The following SYCP2 variants were observed in gnomAD, a reference collection of about 807,000 sequenced individuals.
SYCP2 encodes the protein synaptonemal complex lateral element protein.
SYCP2 carries 55 observed loss-of-function variants against 211.3 expected under a neutral mutation model. The ratio of observed to expected loss-of-function variants is 0.26; its 90% CI spans 0.21 to 0.33. The LOEUF (loss-of-function observed/expected upper bound fraction) is 0.33, where lower values mean the gene tolerates loss of function less well. SYCP2 is among the 10% of genes least tolerant of loss of function. The pLI, the probability that SYCP2 is intolerant of heterozygous loss-of-function variation, is 1.00. For synonymous variants in SYCP2, 570 were observed against 555.2 expected (o/e 1.03, Z -0.37); for missense variants, 1,731 against 1,752.0 (o/e 0.99, Z 0.21).
rs1465949359 is a variant in SYCP2, at chr20:59,911,822, T to C, written c.900A>G (p.Lys300=). ...TAAAATCAATCCAAAATTCCTCAAG[T>C]TTTTCATCTGATGGTATTTGCAGCT... The part of the protein sequence containing the change: ...KYELQIPSDE[K]LEEFWIDFNL... The change falls in exon 14 of 45, where the codon AAA becomes AAG. Residue 300 remains lysine, a synonymous_variant. Transcript: ENST00000357552. The C allele has an allele frequency of 6.3e-7, 1 of 1,580,750 alleles. No individual in the cohort carries two copies. Among genetic ancestry groups the C allele is most frequent in the Non-Finnish European group, 8.6e-7 (1 of 1,158,530 alleles).
intron 37 of SYCP2, 123 bp downstream of exon 37, chr20:59,868,712 G>C: frequency 8.0e-7 from 1 of 1,243,248 alleles, no homozygotes; most frequent in Non-Finnish European, 1.1e-6. Context: ...ATTCTACCTA[G>C]TTTATTTTCT....
intron 7 of SYCP2, among the ~76,000 whole-genome samples, chr20:59,917,260 A>T (rs1181381747): frequency 6.6e-6 from 1 of 152,172 alleles, no homozygotes; most frequent in Admixed American, 6.5e-5. Context: ...AGACCAACAC[A>T]TCTTAACCCC....
In SYCP2 at chr20:59,864,154, T is replaced by C. The variant is rs902149402; in HGVS notation, c.*157A>G. Reference sequence around the variant, plus strand: ...CTCATGTTATAGTGGTTCCCTCTCATCCATTAAAAGACATTTTTTTTTAAT... The same window carrying C: ...CTCATGTTATAGTGGTTCCCTCTCACCCATTAAAAGACATTTTTTTTTAAT... On this transcript the variant is annotated 3_prime_UTR_variant, in exon 45 of 45. Transcript: ENST00000357552. 8 of 483,316 alleles carry C rather than the reference T, an allele frequency of 1.7e-5. No homozygotes were observed. The highest frequency in any genetic ancestry group is 3.7e-6 in the Non-Finnish European group (1 of 273,696). The allele number at this position is 483,316 out of a possible 1,614,324, so 29.9% of individuals were successfully genotyped here.
At chr20:59,921,228 T>G in intron 4 of SYCP2, 82 bp downstream of exon 4, 4 of 1,248,432 alleles carry the variant, frequency 3.2e-6, no homozygotes, top group Non-Finnish European at 4.4e-6. Flanking sequence ...CCTATTCATT[T>G]TTTTCTAATG....
intron 39 of SYCP2, 35 bp downstream of exon 39, chr20:59,867,676 A>G (rs1303050526): frequency 1.9e-6 from 3 of 1,543,250 alleles, no homozygotes; most frequent in Non-Finnish European, 2.7e-6. Context: ...TTATTATATT[A>G]TTGGGTATAA....
At chr20:59,897,482 G>A (rs1270331077) in intron 18 of SYCP2, among the ~76,000 whole-genome samples, 4 of 152,122 alleles carry the variant, frequency 2.6e-5, no homozygotes, top group African/African-American at 9.7e-5. Context: ...GTAGTATGGT[G>A]TTTTTCGAAC....
Position 59,896,544 on chromosome 20 carries a change from A to C in SYCP2, c.1405-16T>G. On this transcript the variant is annotated splice_polypyrimidine_tract_variant and intron_variant, in intron 18 of 44. Coordinates refer to ENST00000357552, the MANE Select transcript of SYCP2 (RefSeq NM_014258.4). ...GAGTAGTTTTCTGAAACCACGATGA[A>C]AAACAACCACTGTAAACACAGTCTT... 2 of 1,377,742 alleles carry C rather than the reference A, an allele frequency of 1.5e-6. No homozygotes were observed. The highest frequency in any genetic ancestry group is 2.1e-6 in the Non-Finnish European group (2 of 968,226). 85.3% of individuals were successfully genotyped at this position (1,377,742 alleles called of 1,614,324 possible).
chr20:59,914,470 A>G (rs2060394206), intron 10 of SYCP2, among the ~76,000 whole-genome samples: 1 of 152,002 alleles, frequency 6.6e-6, no homozygotes, highest in Non-Finnish European at 1.5e-5. Flanking sequence ...AGAAATAAGT[A>G]AAATTTAAAA....
At chr20:59,887,921 G>A (rs2059826932) in intron 24 of SYCP2, among the ~76,000 whole-genome samples, 2 of 151,944 alleles carry the variant, frequency 1.3e-5, no homozygotes, top group African/African-American at 4.8e-5. Context: ...TGATAGGCTA[G>A]ATGAAATGGA....
chr20:59,911,381 ACTGT>A (rs1179950650), intron 14 of SYCP2, among the ~76,000 whole-genome samples: 2 of 152,178 alleles, frequency 1.3e-5, no homozygotes, highest in South Asian at 2.1e-4. Flanking sequence ...TCCACTTGTC[ACTGT>A]CTGTTAATAT....
chr20:59,929,913 T>C (rs1187178315), intron 2 of SYCP2, among the ~76,000 whole-genome samples: 1 of 152,058 alleles, frequency 6.6e-6, no homozygotes, highest in Non-Finnish European at 1.5e-5. Flanking sequence ...GAGAATACAA[T>C]TGATTAAATT....
At position 59,895,629 on chromosome 20, in the gene SYCP2, CT is replaced by C. The variant is rs750970546; in HGVS notation, c.1505-33del. The stretch of plus-strand genomic sequence containing the variant: ...AGGAGGACAAGGATTGCAGATTTTT[CT>C]TTTTTTACCTATTGCTATTATTGAG... On this transcript the variant is annotated intron_variant, in intron 19 of 44. Transcript: ENST00000357552. 8 of 1,604,630 alleles carry C rather than the reference CT, an allele frequency of 5.0e-6. No individual in the cohort carries two copies. The East Asian group carries it at 1.8e-4, about 36-fold the overall frequency.
intron 18 of SYCP2, among the ~76,000 whole-genome samples, chr20:59,897,402 A>G (rs567337155): frequency 6.6e-6 from 1 of 152,318 alleles, no homozygotes; most frequent in South Asian, 2.1e-4. Flanking sequence ...TGGAACCTGA[A>G]CAGTTACTTA....
At chr20:59,929,526 A>C (rs757019718) in intron 2 of SYCP2, among the ~76,000 whole-genome samples, 1 of 152,128 alleles carries the variant, frequency 6.6e-6, no homozygotes, top group Non-Finnish European at 1.5e-5. Context: ...GTAAACATGA[A>C]ATGTGGTGAG....
rs1361479478 is a variant in SYCP2 at position 59,922,559 on chromosome 20, C to T, written c.-46-100G>A. ...CATAAATATGCATTTGTTATTTATA[C>T]CAAAGGCAACATTAACTTCCTCACT... On this transcript the variant is annotated intron_variant, in intron 2 of 44. Coordinates refer to ENST00000357552, the MANE Select transcript of SYCP2 (RefSeq NM_014258.4). 20 of 509,096 alleles carry T rather than the reference C, an allele frequency of 3.9e-5. 2 individuals carry two copies. In the South Asian group the frequency reaches 5.7e-4, roughly 14 times the overall value. 31.5% of individuals were successfully genotyped at this position (509,096 alleles called of 1,614,324 possible).
At chr20:59,929,628 T>C (rs745799450) in intron 2 of SYCP2, among the ~76,000 whole-genome samples, 6 of 152,026 alleles carry the variant, frequency 3.9e-5, no homozygotes, top group Non-Finnish European at 7.4e-5. Context: ...GCATAAAAAA[T>C]GCAGAATGAG....
At chr20:59,881,580 C>A in intron 28 of SYCP2, 88 bp from the exon 29 acceptor site, 2 of 645,198 alleles carry the variant, frequency 3.1e-6, no homozygotes, top group Non-Finnish European at 5.0e-6. Flanking sequence ...AGTTTTGCTT[C>A]ACAAAATCAT....
intron 2 of SYCP2, among the ~76,000 whole-genome samples, chr20:59,926,000 C>A (rs2060627795): frequency 6.6e-6 from 1 of 151,988 alleles, no homozygotes; most frequent in African/African-American, 2.4e-5. Context: ...CCTAACCCCA[C>A]CTCCTAGTAT....
At chr20:59,899,740 G>C (rs2060078120) in intron 18 of SYCP2, among the ~76,000 whole-genome samples, 1 of 151,996 alleles carries the variant, frequency 6.6e-6, no homozygotes, top group African/African-American at 2.4e-5. Flanking sequence ...ACCTAGAGGA[G>C]GTCCTTCAAT....
Sources: gnomAD v4.1 joint callset for allele counts (sites outside exome capture counted in the v4.1 genomes callset) on GRCh38, gnomAD v4.1.1 for gene constraint, MANE v1.5 for transcripts, NCBI Gene and HGNC (gene_info 2026-07-23, HGNC 2026-07-21) for gene names.